COL24A1: variants seen among roughly 807,000 people sequenced by gnomAD.
COL24A1 encodes collagen type XXIV alpha 1 chain.
COL24A1 carries 224 observed loss-of-function variants against 253.9 expected under a neutral mutation model. That is an observed-to-expected ratio of 0.88 (90% CI 0.79 to 0.99). COL24A1 has a LOEUF of 0.99. Ranked by LOEUF, COL24A1 falls within the 50% of genes least tolerant of loss-of-function variation. The pLI, the probability that COL24A1 is intolerant of heterozygous loss-of-function variation, is 0.00. For missense variants in COL24A1, 2,131 were observed against 2,068.5 expected, an observed-to-expected ratio of 1.03 and a Z score of -0.59; for synonymous variants, 685 against 673.7, an observed-to-expected ratio of 1.02 and a Z score of -0.26.
chr1:86,097,447 C>A, intron 5 of COL24A1, among the ~76,000 whole-genome samples: 1 of 116,232 alleles, frequency 8.6e-6, no homozygotes, highest in Non-Finnish European at 1.8e-5. Flanking sequence ...TTCTCCTCCT[C>A]CCCCCTCCTC....
At chr1:85,740,608 C>T (rs1412664236) in intron 57 of COL24A1, among the ~76,000 whole-genome samples, 1 of 151,970 alleles carries the variant, frequency 6.6e-6, no homozygotes, top group African/African-American at 2.4e-5. Context: ...CAGGCACATT[C>T]CACCATGGCT....
At chr1:85,766,382 AAAAAAAAAG>A (rs1338754063) in intron 53 of COL24A1, among the ~76,000 whole-genome samples, 4 of 143,856 alleles carry the variant, frequency 2.8e-5, no homozygotes, top group African/African-American at 7.7e-5. Context: ...AAAAAAAAAA[AAAAAAAAAG>A]AAAGAAAGAA....
intron 10 of COL24A1, among the ~76,000 whole-genome samples, chr1:86,056,500 T>A (rs966962908): frequency 3.3e-5 from 5 of 152,246 alleles, no homozygotes; most frequent in African/African-American, 4.8e-5. Flanking sequence ...AATACTTTTT[T>A]AAAATGTAAG....
At chr1:85,784,579 G>A (rs908904062) in intron 48 of COL24A1, among the ~76,000 whole-genome samples, 1 of 152,076 alleles carries the variant, frequency 6.6e-6, no homozygotes, top group Admixed American at 6.6e-5. Context: ...AGTGGGAAAA[G>A]GAAATTCCAG....
Position 85,842,162 on chromosome 1 carries a change from G to A in COL24A1, c.3517-41C>T, listed in dbSNP as rs200392642. 19 of 1,560,008 alleles carry A rather than the reference G, an allele frequency of 1.2e-5. No individual in the cohort carries two copies. The African/African-American group carries it at 2.3e-4, about 19-fold the overall frequency. ...TAGACATTTATACATGCTCTACCTA[G>A]ATATTAGATATTGCATTATTCTGAA... On this transcript the variant is annotated intron_variant, in intron 40 of 59. Transcript: ENST00000370571.
intron 2 of COL24A1, among the ~76,000 whole-genome samples, chr1:86,129,832 C>T (rs1186958383): frequency 2.6e-5 from 4 of 151,768 alleles, no homozygotes; most frequent in African/African-American, 7.2e-5. Flanking sequence ...ATTTCATAAG[C>T]ACTCGGAAAG....
chr1:86,149,640 T>C (rs866958163), intron 1 of COL24A1, among the ~76,000 whole-genome samples: 1 of 152,164 alleles, frequency 6.6e-6, no homozygotes, highest in Non-Finnish European at 1.5e-5. Flanking sequence ...AAATAACTAA[T>C]GACAAGTACA....
intron 55 of COL24A1, among the ~76,000 whole-genome samples, chr1:85,757,579 T>TC (rs920624930): frequency 6.7e-6 from 1 of 149,198 alleles, no homozygotes; most frequent in African/African-American, 2.5e-5. Flanking sequence ...GCATTTTTTT[T>TC]CCCAACAGGT....
intron 10 of COL24A1, among the ~76,000 whole-genome samples, chr1:86,051,171 T>G (rs1346380360): frequency 6.6e-6 from 1 of 152,164 alleles, no homozygotes; most frequent in African/African-American, 2.4e-5. Context: ...TCCAGATCAC[T>G]GGTTCAACAA....
chr1:85,766,131 T>C (rs369318), intron 53 of COL24A1, among the ~76,000 whole-genome samples: 136,781 of 151,610 alleles, frequency 0.9, 62,278 homozygotes, highest in Non-Finnish European at 0.96. Flanking sequence ...TTTGGGAGGC[T>C]GAGGTGGGCA....
chr1:85,839,757 T>C (rs1261228888), intron 42 of COL24A1, among the ~76,000 whole-genome samples: 1 of 152,030 alleles, frequency 6.6e-6, no homozygotes, highest in Non-Finnish European at 1.5e-5. Flanking sequence ...TTTCAAGACA[T>C]AAATTAACCT....
chr1:85,849,422 T>TA lies in COL24A1; in HGVS notation c.3301-17dup, dbSNP rs775775231. 19 of 1,592,866 alleles carry TA rather than the reference T, an allele frequency of 1.2e-5. No individual in the cohort carries two copies. The Admixed American group carries it at 2.9e-4, about 24-fold the overall frequency. On this transcript the variant is annotated splice_polypyrimidine_tract_variant and intron_variant, in intron 37 of 59. Coordinates refer to ENST00000370571, the MANE Select transcript of COL24A1 (RefSeq NM_152890.7). The stretch of plus-strand genomic sequence containing the variant: ...CTTCAGGTCCCTAAAATATTCAATA[T>TA]AAAAAAGGAAATAAATGGTTAAAGA...
intron 24 of COL24A1, among the ~76,000 whole-genome samples, chr1:85,935,792 A>T (rs1189271093): frequency 6.8e-6 from 1 of 147,492 alleles, no homozygotes; most frequent in African/African-American, 2.5e-5. Context: ...GATACATAAG[A>T]TAACATACGT....
At chr1:86,050,705 T>C (rs549529393) in intron 10 of COL24A1, among the ~76,000 whole-genome samples, 37 of 152,250 alleles carry the variant, frequency 2.4e-4, no homozygotes, top group African/African-American at 8.2e-4. Flanking sequence ...TAGTAATTGA[T>C]CACATTTTAT....
At chr1:85,792,831 A>G (rs1210920210) in intron 47 of COL24A1, among the ~76,000 whole-genome samples, 1 of 152,156 alleles carries the variant, frequency 6.6e-6, no homozygotes, top group African/African-American at 2.4e-5. Context: ...GAGAGATGTA[A>G]TGTAAATACC....
At chr1:85,970,128 T>A (rs1691992690) in intron 22 of COL24A1, 99 bp downstream of exon 22, 3 of 1,090,026 alleles carry the variant, frequency 2.8e-6, no homozygotes, top group Non-Finnish European at 3.9e-6. Flanking sequence ...TTCATTTTTG[T>A]CCTTTACTAT....
intron 26 of COL24A1, among the ~76,000 whole-genome samples, chr1:85,909,192 T>C (rs1685134694): frequency 6.6e-6 from 1 of 151,794 alleles, no homozygotes; most frequent in Non-Finnish European, 1.5e-5. Flanking sequence ...CTTACAGGCA[T>C]GCTAAATTTC....
intron 20 of COL24A1, among the ~76,000 whole-genome samples, chr1:85,975,436 A>T (rs1349831737): frequency 3.9e-5 from 6 of 152,214 alleles, no homozygotes; most frequent in African/African-American, 1.4e-4. Context: ...TTCCACCATA[A>T]GAAGAATGAA....
At chr1:85,830,912 C>T (rs111883045) in intron 43 of COL24A1, among the ~76,000 whole-genome samples, 1,540 of 152,154 alleles carry the variant, frequency 0.01, 29 homozygotes, top group African/African-American at 0.035. Context: ...AGCTGTAGAC[C>T]GGAGCTGTTC....
Sources: allele counts gnomAD v4.1 joint callset (sites outside exome capture counted in the v4.1 genomes callset), GRCh38; gene constraint gnomAD v4.1.1; transcripts MANE v1.5; gene names NCBI Gene and HGNC (gene_info 2026-07-23, HGNC 2026-07-21).